ELAVL2: variants seen among roughly 807,000 people sequenced by gnomAD.
ELAVL2 encodes ELAV-like protein 2.
ELAVL2 carries 4 observed loss-of-function variants against 34.6 expected under a neutral mutation model. The ratio of observed to expected loss-of-function variants is 0.12; its 90% confidence interval spans 0.06 to 0.26. ELAVL2 has a LOEUF of 0.26. Ranked by LOEUF, ELAVL2 falls within the 10% of genes least tolerant of loss-of-function variation. The pLI is 1.00. For missense variants in ELAVL2, 432 were observed against 442.8 expected (o/e 0.98, Z 0.22); for synonymous variants, 193 against 154.8 (o/e 1.25, Z -1.83).
At chr9:23,731,366 G>C (rs576195724) in intron 2 of ELAVL2, among the ~76,000 whole-genome samples, 1 of 152,076 alleles carries the variant, frequency 6.6e-6, no homozygotes, top group Non-Finnish European at 1.5e-5. Context: ...ATCCCCAAAG[G>C]ATTCCACCAT....
chr9:23,737,240 T>C (rs891144241), intron 2 of ELAVL2, among the ~76,000 whole-genome samples: 1 of 152,212 alleles, frequency 6.6e-6, no homozygotes, highest in Non-Finnish European at 1.5e-5. Context: ...AGCAGCAGCA[T>C]CTGCCTTCCA....
At chr9:23,696,382 T>C (rs1355263515) in intron 5 of ELAVL2, among the ~76,000 whole-genome samples, 7 of 152,282 alleles carry the variant, frequency 4.6e-5, no homozygotes, top group East Asian at 1.9e-4. Flanking sequence ...GAGAAAATAG[T>C]GCAGCAGCTC....
At chr9:23,715,939 C>A (rs1040540525) in intron 3 of ELAVL2, among the ~76,000 whole-genome samples, 1 of 152,096 alleles carries the variant, frequency 6.6e-6, no homozygotes, top group Non-Finnish European at 1.5e-5. Flanking sequence ...CATCCTAGGA[C>A]TTTCATACAC....
chr9:23,716,155 G>C (rs1051967013), intron 3 of ELAVL2, among the ~76,000 whole-genome samples: 11 of 148,660 alleles, frequency 7.4e-5, no homozygotes, highest in South Asian at 4.4e-4. Context: ...TCACACACCG[G>C]GGCCTGTTGT....
chr9:23,768,943 A>G (rs1041364842), intron 1 of ELAVL2, among the ~76,000 whole-genome samples: 2 of 152,200 alleles, frequency 1.3e-5, no homozygotes, highest in Admixed American at 6.5e-5. Context: ...ACATCTCTTA[A>G]AAGAATCATG....
intron 2 of ELAVL2, among the ~76,000 whole-genome samples, chr9:23,750,262 A>T (rs1263852194): frequency 6.6e-6 from 1 of 152,102 alleles, no homozygotes; most frequent in East Asian, 1.9e-4. Flanking sequence ...TGGGGATATA[A>T]TGGAATGTTA....
At chr9:23,829,143 C>A (rs2065421703), upstream of ELAVL2, among the ~76,000 whole-genome samples, 1 of 152,148 alleles carries the variant, frequency 6.6e-6, no homozygotes, top group Non-Finnish European at 1.5e-5. Context: ...AAGTTCCTGG[C>A]ATTATTTTGA....
the ELAVL2 span, among the ~76,000 whole-genome samples, chr9:23,842,386 C>A: frequency 5.9e-5 from 9 of 152,190 alleles, no homozygotes; most frequent in Admixed American, 5.9e-4. Context: ...ACAGATAACT[C>A]AGAGCCACTG....
intron 1 of ELAVL2, among the ~76,000 whole-genome samples, chr9:23,800,020 A>C (rs1406697657): frequency 6.6e-6 from 1 of 152,184 alleles, no homozygotes; most frequent in East Asian, 1.9e-4. Flanking sequence ...GTATTAGAGA[A>C]ACAAAGCATT....
chr9:23,698,139 GTCAT>G (rs2035910572), intron 5 of ELAVL2, among the ~76,000 whole-genome samples: 1 of 152,066 alleles, frequency 6.6e-6, no homozygotes, highest in East Asian at 1.9e-4. Context: ...AGGCACACAG[GTCAT>G]TACACTAGAT....
intron 1 of ELAVL2, among the ~76,000 whole-genome samples, chr9:23,767,120 G>A (rs1227281599): frequency 1.3e-5 from 2 of 152,138 alleles, no homozygotes; most frequent in Non-Finnish European, 2.9e-5. Flanking sequence ...TAAAATGGCT[G>A]TTACTATGGT....
chr9:23,752,961 G>C (rs549966193), intron 2 of ELAVL2, among the ~76,000 whole-genome samples: 6 of 152,262 alleles, frequency 3.9e-5, no homozygotes, highest in South Asian at 2.1e-4. Context: ...ACAACACTTA[G>C]AGCAGCAAAT....
intron 3 of ELAVL2, among the ~76,000 whole-genome samples, chr9:23,722,825 A>G (rs961371531): frequency 6.6e-6 from 1 of 152,226 alleles, no homozygotes; most frequent in Non-Finnish European, 1.5e-5. Flanking sequence ...CAGTAAAAAG[A>G]TAATAGTCCT....
chr9:23,830,161 A>T (rs2065452069), upstream of ELAVL2: 1 of 152,194 alleles, frequency 6.6e-6, no homozygotes, highest in African/African-American at 2.4e-5. Context: ...ATCCTCGAAT[A>T]TCCCAGCTGG....
In ELAVL2 at chr9:23,722,422, A is replaced by C. The variant is rs138911251; in HGVS notation, c.333+8600T>G. Among the ~76,000 whole-genome samples the C allele has an allele frequency of 1.6e-3, 249 of 152,348 alleles. 2 individuals are homozygous for C. Among genetic ancestry groups the C allele is most frequent in the African/African-American group, 5.5e-3 (228 of 41,586 alleles). ...TCTGCTAAGTATGACCTCCAGATCC[A>C]GTTTTCTTCTCAAACTGTACGTCTG... On this transcript the variant is annotated intron_variant, in intron 3 of 6. Transcript: ENST00000397312.
At chr9:23,791,920 A>C (rs997152899) in intron 1 of ELAVL2, among the ~76,000 whole-genome samples, 2 of 152,154 alleles carry the variant, frequency 1.3e-5, no homozygotes, top group Non-Finnish European at 2.9e-5. Context: ...TTAATCTCTC[A>C]GTTGTCTTTT....
intron 4 of ELAVL2, among the ~76,000 whole-genome samples, chr9:23,703,588 G>C (rs2038228674): frequency 6.6e-6 from 1 of 152,238 alleles, no homozygotes; most frequent in African/African-American, 2.4e-5. Flanking sequence ...ACAACACAGA[G>C]GCAGGTAATA....
At chr9:23,798,881 C>A (rs994194309) in intron 1 of ELAVL2, among the ~76,000 whole-genome samples, 2 of 152,082 alleles carry the variant, frequency 1.3e-5, no homozygotes, top group African/African-American at 2.4e-5. Flanking sequence ...AATCTGCCAC[C>A]ATCTGTTTTT....
chr9:23,821,078 T>C (rs1025189818), intron 1 of ELAVL2: 1 of 152,428 alleles, frequency 6.6e-6, no homozygotes, highest in African/African-American at 2.4e-5. Flanking sequence ...CCGTAGCAAG[T>C]GGGCACACAC....
Sources: allele counts gnomAD v4.1 joint callset (sites outside exome capture counted in the v4.1 genomes callset), GRCh38; gene constraint gnomAD v4.1.1; transcripts MANE v1.5; gene names NCBI Gene and HGNC (gene_info 2026-07-23, HGNC 2026-07-21).